The following NR2C2 variants were observed in gnomAD, a reference collection of about 807,000 sequenced individuals.
NR2C2 encodes the protein nuclear receptor subfamily 2 group C member 2, also known as Nuclear hormone receptor TR4.
A neutral mutation model predicts 62.9 loss-of-function variants in NR2C2; 6 were observed. The observed-to-expected ratio is 0.10, with a 90% confidence interval of 0.05 to 0.19. NR2C2 has a LOEUF of 0.19. Among genes scored for constraint, NR2C2 ranks in the 10% least tolerant of loss-of-function variants. The pLI, the probability that NR2C2 is intolerant of heterozygous loss-of-function variation, is 1.00. For synonymous variants in NR2C2, 272 were observed against 273.8 expected (o/e 0.99, Z 0.07); for missense variants, 479 against 762.7 (o/e 0.63, Z 4.38).
intron 11 of NR2C2, among the ~76,000 whole-genome samples, chr3:15,036,986 G>A (rs1299059243): frequency 7.6e-6 from 1 of 131,050 alleles, no homozygotes; most frequent in Non-Finnish European, 1.8e-5. Flanking sequence ...GCCTGACATG[G>A]TGGTGAGTGC....
intron 1 of NR2C2, among the ~76,000 whole-genome samples, chr3:14,989,710 A>G (rs1223519338): frequency 6.6e-6 from 1 of 151,966 alleles, no homozygotes; most frequent in Non-Finnish European, 1.5e-5. Context: ...AGGGAGGCAG[A>G]TCACATGAGG....
chr3:15,020,059 A>T (rs1235157707), intron 4 of NR2C2, among the ~76,000 whole-genome samples: 1 of 152,242 alleles, frequency 6.6e-6, no homozygotes, highest in African/African-American at 2.4e-5. Context: ...ATAAAAAGAG[A>T]CACCAAAGTA....
At position 14,949,745 on chromosome 3, in the gene NR2C2, CAT is replaced by C. The variant is rs367906334; in HGVS notation, c.-40+1840_-40+1841del. On this transcript the variant is annotated intron_variant, in intron 1 of 13. Transcript: ENST00000425241. Reference sequence around the variant, plus strand: ...AAAAAGTAAGACACTGGTCCTCAAACATGTGAATATGATTTATTTATTTATTT... The same window carrying C: ...AAAAAGTAAGACACTGGTCCTCAAACGTGAATATGATTTATTTATTTATTT... Among the ~76,000 whole-genome samples, 1,443 of 152,056 alleles carry C rather than the reference CAT, an allele frequency of 9.5e-3. 9 individuals are homozygous for C. The highest frequency in any genetic ancestry group is 0.023 in the South Asian group (110 of 4,832).
At position 15,047,675 on chromosome 3, in the gene NR2C2, G is replaced by GTAAT. The variant is rs750172036; in HGVS notation, c.*4669_*4672dup. On this transcript the variant is annotated 3_prime_UTR_variant, in exon 14 of 14. Coordinates refer to ENST00000425241, the MANE Select transcript of NR2C2 (RefSeq NM_001291694.2). ...GCACTGTCCTATGACTGAATAAATA[G>GTAAT]TAATTCCCATCTTTCTATCGCCAGT... 2.0e-5 allele frequency: 3 copies of GTAAT among 152,190 alleles called. No homozygotes were observed. Among genetic ancestry groups the GTAAT allele is most frequent in the Non-Finnish European group, 4.4e-5 (3 of 68,030 alleles). The allele number at this position is 152,190 out of a possible 1,614,324, so 9.4% of individuals were successfully genotyped here.
chr3:14,975,835 T>A lies in NR2C2; in HGVS notation c.-40+27929T>A, dbSNP rs180752201. On this transcript the variant is annotated intron_variant, in intron 1 of 13. Transcript: ENST00000425241. ...AGAATTTAGCAGTGAAGCCATGTGG[T>A]CCAGGACTTTCCTTTTTTGGAAAGT... 2.8e-4 allele frequency among the ~76,000 whole-genome samples: 42 copies of A among 152,340 alleles called. 1 individual carries two copies. The highest frequency in any genetic ancestry group is 2.6e-3 in the Admixed American group (40 of 15,310).
chr3:15,048,047 TG>T lies in NR2C2; in HGVS notation c.*5041del, dbSNP rs1559322552. 6.6e-6 allele frequency: 1 copy of T among 152,668 alleles called. No individual in the cohort carries two copies. Among genetic ancestry groups the T allele is most frequent in the East Asian group, 1.9e-4 (1 of 5,196 alleles). The allele number at this position is 152,668 out of a possible 1,614,324, so 9.5% of individuals were successfully genotyped here. A position where few individuals can be genotyped will look rare whatever the true frequency, so the allele number is the denominator to read the frequency against. On this transcript the variant is annotated 3_prime_UTR_variant, in exon 14 of 14. Transcript: ENST00000425241. Reference sequence around the variant, plus strand: ...ATAGACCTGGGAAGCAGGGGCCTGCTGGAAGGAATCACTAGATTGCTGCAAA... The same window carrying T: ...ATAGACCTGGGAAGCAGGGGCCTGCTGAAGGAATCACTAGATTGCTGCAAA...
intron 1 of NR2C2, among the ~76,000 whole-genome samples, chr3:14,975,564 C>A (rs1161727801): frequency 6.6e-6 from 1 of 152,154 alleles, no homozygotes; most frequent in Admixed American, 6.5e-5. Context: ...CTTGGACAAA[C>A]CTCTCTTGGT....
chr3:14,988,311 G>C (rs371378550), intron 1 of NR2C2, among the ~76,000 whole-genome samples: 354 of 152,366 alleles, frequency 2.3e-3, no homozygotes, highest in African/African-American at 8.1e-3. Context: ...AAGGGAAGCA[G>C]GACTGCAAAT....
chr3:15,036,687 T>TC (rs1413247615), intron 11 of NR2C2, among the ~76,000 whole-genome samples: 22 of 152,222 alleles, frequency 1.4e-4, no homozygotes, highest in African/African-American at 5.3e-4. Flanking sequence ...AGATGAGGTT[T>TC]CGCTGTGCTG....
chr3:14,958,573 T>G (rs1011510108), intron 1 of NR2C2, among the ~76,000 whole-genome samples: 1 of 152,218 alleles, frequency 6.6e-6, no homozygotes, highest in Non-Finnish European at 1.5e-5. Flanking sequence ...TAGTGTTAGT[T>G]GCTGCTATTA....
intron 1 of NR2C2, among the ~76,000 whole-genome samples, chr3:14,950,559 T>C (rs2039325002): frequency 7.6e-6 from 1 of 131,116 alleles, no homozygotes; most frequent in Non-Finnish European, 1.6e-5. Context: ...CCTCAGATAT[T>C]GGCTCAAGCA....
At position 15,030,256 on chromosome 3, in the gene NR2C2, G is replaced by C. The variant is rs2125057459; in HGVS notation, c.933-19G>C. ...AGCTGTAGATTCACAACAATTACAT[G>C]CTTCATTTTTGCTCACAGGGCATTT... On this transcript the variant is annotated intron_variant, in intron 8 of 13. Transcript: ENST00000425241. 6.2e-7 allele frequency: 1 copy of C among 1,601,354 alleles called. No individual in the cohort carries two copies.
intron 1 of NR2C2, among the ~76,000 whole-genome samples, chr3:14,996,270 G>GT (rs1170434918): frequency 1.3e-5 from 2 of 152,064 alleles, no homozygotes; most frequent in Non-Finnish European, 2.9e-5. Context: ...TTGCACCTGT[G>GT]TTTTTTAATT....
intron 7 of NR2C2, among the ~76,000 whole-genome samples, chr3:15,025,081 T>A (rs11720847): frequency 0.15 from 22,359 of 152,316 alleles, 1,948 homozygotes; most frequent in Middle Eastern, 0.21. Flanking sequence ...GCCACATGCA[T>A]GATGGGAGCT....
intron 5 of NR2C2, 29 bp from the exon 6 acceptor site, chr3:15,023,171 A>G: frequency 6.2e-7 from 1 of 1,609,888 alleles, no homozygotes; most frequent in East Asian, 2.2e-5. Context: ...TTGTTTCTCT[A>G]AACACAAATA....
chr3:14,954,526 T>C (rs956255785), intron 1 of NR2C2, among the ~76,000 whole-genome samples: 5 of 152,214 alleles, frequency 3.3e-5, no homozygotes, highest in African/African-American at 1.2e-4. Flanking sequence ...GGCATAGTCG[T>C]ACATTAGAAT....
chr3:14,994,613 CT>C (rs2124865866), intron 1 of NR2C2, among the ~76,000 whole-genome samples: 1 of 151,364 alleles, frequency 6.6e-6, no homozygotes, highest in East Asian at 2.0e-4. Context: ...CAGATAATTT[CT>C]GTATTTTCAG....
rs560093685 is a variant in NR2C2 at position 15,034,908 on chromosome 3, C to T, written c.1372+99C>T. On this transcript the variant is annotated intron_variant, in intron 11 of 13. Transcript: ENST00000425241. The stretch of plus-strand genomic sequence containing the variant: ...TGGTTGGAGGCTCATGTCAAAGACA[C>T]CTTTGTTGACCCAGGCTGGCAACAT... 537 of 1,244,248 alleles carry T rather than the reference C, an allele frequency of 4.3e-4. 1 individual carries two copies. In the African/African-American group the frequency reaches 7.1e-3, roughly 16 times the overall value. 77.1% of individuals were successfully genotyped at this position (1,244,248 alleles called of 1,614,324 possible). A position where few individuals can be genotyped will look rare whatever the true frequency, so the allele number is the denominator to read the frequency against.
chr3:14,997,604 C>T (rs1294395694), intron 1 of NR2C2, among the ~76,000 whole-genome samples: 3 of 152,118 alleles, frequency 2.0e-5, no homozygotes, highest in Non-Finnish European at 4.4e-5. Flanking sequence ...AATGGTTGTG[C>T]TTGTCCTGCC....
Sources: gnomAD v4.1 joint callset for allele counts (sites outside exome capture counted in the v4.1 genomes callset) on GRCh38, gnomAD v4.1.1 for gene constraint, MANE v1.5 for transcripts, NCBI Gene and HGNC (gene_info 2026-07-23, HGNC 2026-07-21) for gene names.